The following CFAP95 variants were observed in gnomAD, a reference collection of about 807,000 sequenced individuals.
CFAP95 encodes cilia and flagella associated protein 95.
At chr9:69,883,319 G>C in the CFAP95 span, among the ~76,000 whole-genome samples, 2 of 152,118 alleles carry the variant, frequency 1.3e-5, no homozygotes, top group Non-Finnish European at 1.5e-5. Flanking sequence ...TTTCTGTGTT[G>C]GGGAGAAGTT....
At chr9:69,871,913 TATC>T in the CFAP95 span, among the ~76,000 whole-genome samples, 1 of 152,330 alleles carries the variant, frequency 6.6e-6, no homozygotes, top group East Asian at 1.9e-4. Context: ...CACTGTTTAA[TATC>T]ATTACAGTAT....
the CFAP95 span, among the ~76,000 whole-genome samples, chr9:69,840,411 A>T: frequency 6.6e-6 from 1 of 152,212 alleles, no homozygotes; most frequent in Non-Finnish European, 1.5e-5. Flanking sequence ...AGCCTGTTGT[A>T]GATATTATCA....
At chr9:69,873,967 G>A in the CFAP95 span, among the ~76,000 whole-genome samples, 8 of 152,002 alleles carry the variant, frequency 5.3e-5, no homozygotes, top group Non-Finnish European at 1.2e-4. Flanking sequence ...CTTATCTTAC[G>A]AAACATCTTT....
chr9:69,872,593 G>A, the CFAP95 span, among the ~76,000 whole-genome samples: 1 of 152,040 alleles, frequency 6.6e-6, no homozygotes, highest in African/African-American at 2.4e-5. Context: ...ACAAGTGCTG[G>A]GCTTGGATCA....
the CFAP95 span, among the ~76,000 whole-genome samples, chr9:69,900,839 C>T: frequency 6.6e-6 from 1 of 152,040 alleles, no homozygotes; most frequent in African/African-American, 2.4e-5. Flanking sequence ...CAAGAGTTTC[C>T]AACAGAAATG....
chr9:69,835,328 T>C, the CFAP95 span, among the ~76,000 whole-genome samples: 1 of 152,236 alleles, frequency 6.6e-6, no homozygotes, highest in South Asian at 2.1e-4. Flanking sequence ...CACCACAAGC[T>C]AGAATTCAGC....
the CFAP95 span, among the ~76,000 whole-genome samples, chr9:69,894,167 T>C: frequency 2.0e-5 from 3 of 152,226 alleles, no homozygotes; most frequent in Non-Finnish European, 4.4e-5. Context: ...GCTGACCTTA[T>C]ATTTATACTT....
the CFAP95 span, among the ~76,000 whole-genome samples, chr9:69,860,733 A>ATT: frequency 1.5e-4 from 22 of 151,596 alleles, no homozygotes; most frequent in African/African-American, 5.1e-4. Flanking sequence ...TTATTAAACA[A>ATT]TTTTTTTTAC....
chr9:69,864,584 C>T, the CFAP95 span, among the ~76,000 whole-genome samples: 1 of 152,028 alleles, frequency 6.6e-6, no homozygotes, highest in Non-Finnish European at 1.5e-5. Flanking sequence ...CATAAATGGG[C>T]AAGTTAAATG....
the CFAP95 span, among the ~76,000 whole-genome samples, chr9:69,840,847 A>C: frequency 6.6e-6 from 1 of 152,138 alleles, no homozygotes; most frequent in Admixed American, 6.6e-5. Flanking sequence ...ATCCATGGGC[A>C]GCCGGCAGGC....
At chr9:69,896,416 A>C in the CFAP95 span, among the ~76,000 whole-genome samples, 1 of 152,154 alleles carries the variant, frequency 6.6e-6, no homozygotes, top group East Asian at 1.9e-4. Context: ...ATAGATCTTC[A>C]TATTTTTTGT....
the CFAP95 span, among the ~76,000 whole-genome samples, chr9:69,875,670 G>C: frequency 6.6e-6 from 1 of 152,172 alleles, no homozygotes; most frequent in South Asian, 2.1e-4. Context: ...AGTAGGAAGA[G>C]GGTAGGGAAG....
chr9:69,873,173 A>G, the CFAP95 span, among the ~76,000 whole-genome samples: 17 of 152,188 alleles, frequency 1.1e-4, no homozygotes, highest in Admixed American at 5.9e-4. Context: ...TTTGGGAGGC[A>G]TTCTTGAACT....
the CFAP95 span, chr9:69,884,306 C>T: frequency 6.6e-6 from 1 of 152,172 alleles, no homozygotes; most frequent in Admixed American, 6.5e-5. Flanking sequence ...CAGGATCTCT[C>T]TCTGTCACCT....
the CFAP95 span, among the ~76,000 whole-genome samples, chr9:69,850,760 G>T: frequency 1.3e-5 from 2 of 152,276 alleles, no homozygotes; most frequent in Admixed American, 1.3e-4. Context: ...TTGAGCTAGG[G>T]TCTCTTCTTG....
the CFAP95 span, among the ~76,000 whole-genome samples, chr9:69,836,614 A>G: frequency 2.6e-5 from 4 of 152,058 alleles, no homozygotes; most frequent in East Asian, 3.8e-4. Context: ...TTAAAAAAAT[A>G]AAATAATAGA....
At chr9:69,899,731 C>T in the CFAP95 span, among the ~76,000 whole-genome samples, 1 of 152,196 alleles carries the variant, frequency 6.6e-6, no homozygotes, top group African/African-American at 2.4e-5. Context: ...AATTTTGGGA[C>T]ATGCTAGGCA....
At chr9:69,898,935 G>A in the CFAP95 span, among the ~76,000 whole-genome samples, 1 of 150,040 alleles carries the variant, frequency 6.7e-6, no homozygotes, top group Admixed American at 6.7e-5. Context: ...AACTCTCCTG[G>A]CCTTCCAGGC....
the CFAP95 span, among the ~76,000 whole-genome samples, chr9:69,859,367 CA>C: frequency 2.6e-5 from 4 of 151,986 alleles, 1 homozygote; most frequent in South Asian, 8.3e-4. Context: ...TTCATGACTT[CA>C]GTATCTTCTC....
Sources: allele counts gnomAD v4.1 joint callset (sites outside exome capture counted in the v4.1 genomes callset), GRCh38; gene constraint gnomAD v4.1.1; transcripts MANE v1.5; gene names NCBI Gene and HGNC (gene_info 2026-07-23, HGNC 2026-07-21).